Variants in NEDD4 observed in about 807,000 individuals in gnomAD.
NEDD4 encodes the protein NEDD4 E3 ubiquitin protein ligase.
Under a neutral mutation model 144.9 loss-of-function variants are expected in NEDD4, and 99 were observed. The ratio of observed to expected loss-of-function variants is 0.68; its 90% confidence interval spans 0.58 to 0.81. The LOEUF is 0.81. NEDD4 is among the 30% of genes least tolerant of loss of function. NEDD4 has a pLI of 0.00. For missense variants in NEDD4, 985 were observed against 1,065.9 expected (o/e 0.92, Z 1.06); for synonymous variants, 318 against 350.6 (o/e 0.91, Z 1.04).
At chr15:55,836,886 T>C (rs2033229763) in intron 24 of NEDD4, among the ~76,000 whole-genome samples, 1 of 151,088 alleles carries the variant, frequency 6.6e-6, no homozygotes, top group Admixed American at 6.6e-5. Flanking sequence ...CTCGAACTCC[T>C]GGGCTCAAGC....
chr15:55,858,333 G>A (rs2034275253), intron 11 of NEDD4, among the ~76,000 whole-genome samples: 1 of 151,604 alleles, frequency 6.6e-6, no homozygotes, highest in Non-Finnish European at 1.5e-5. Context: ...TTGAGACGGA[G>A]TTTCACTCTG....
intron 12 of NEDD4, among the ~76,000 whole-genome samples, chr15:55,853,801 C>T (rs891013691): frequency 6.6e-6 from 1 of 152,156 alleles, no homozygotes; most frequent in Non-Finnish European, 1.5e-5. Flanking sequence ...CCAGCCTGGC[C>T]AACATGGTGA....
In NEDD4 at chr15:55,948,744, G is replaced by A. The variant is rs536002827; in HGVS notation, c.237+2632C>T. On this transcript the variant is annotated intron_variant, in intron 4 of 28. Transcript: ENST00000435532. ...AATAAATGGTGCTGGGAAAACTGGC[G>A]AGCCATATGTAGAAAGCTGAAACTA... is the stretch of plus-strand genomic sequence containing the variant. Among the ~76,000 whole-genome samples, 27 of 152,108 alleles carry A rather than the reference G, an allele frequency of 1.8e-4. 1 individual carries two copies. The highest frequency in any genetic ancestry group is 1.4e-3 in the Admixed American group (21 of 15,258).
At chr15:55,921,959 C>T (rs1160558246) in intron 5 of NEDD4, among the ~76,000 whole-genome samples, 1 of 152,160 alleles carries the variant, frequency 6.6e-6, no homozygotes, top group African/African-American at 2.4e-5. Flanking sequence ...GGACAACATG[C>T]AAATAACGCA....
At chr15:55,893,899 C>T (rs2035652942) in intron 5 of NEDD4, among the ~76,000 whole-genome samples, 1 of 151,264 alleles carries the variant, frequency 6.6e-6, no homozygotes, top group Admixed American at 6.6e-5. Flanking sequence ...AACAAAATTG[C>T]ATTTGTATAG....
intron 5 of NEDD4, among the ~76,000 whole-genome samples, chr15:55,918,410 A>C (rs1193735173): frequency 6.6e-6 from 1 of 152,146 alleles, no homozygotes; most frequent in Non-Finnish European, 1.5e-5. Flanking sequence ...CCCTCACCTA[A>C]ATTTTATAGC....
intron 5 of NEDD4, among the ~76,000 whole-genome samples, chr15:55,891,806 C>G (rs1330842078): frequency 1.3e-5 from 2 of 152,002 alleles, no homozygotes; most frequent in African/African-American, 4.8e-5. Flanking sequence ...TAAAGATGCT[C>G]TAATTTTAGG....
chr15:55,924,795 T>C, intron 4 of NEDD4, 96 bp from the exon 5 acceptor site: 1 of 1,219,384 alleles, frequency 8.2e-7, no homozygotes, highest in Non-Finnish European at 1.2e-6. Flanking sequence ...TGGTCGGGCA[T>C]GGTGGCTCAT....
rs1468515596 is a variant in NEDD4 at position 55,834,063 on chromosome 15, T to A, written c.2405A>T (p.His802Leu). The A allele has an allele frequency of 5.0e-6, 8 of 1,613,398 alleles. No homozygotes were observed. The highest frequency in any genetic ancestry group is 1.3e-5 in the African/African-American group (1 of 74,924). The change falls in exon 26 of 29, where the codon CAT becomes CTT. Residue 802 changes from histidine to leucine, a missense_variant. Transcript: ENST00000435532. The stretch of plus-strand genomic sequence containing the variant: ...CTTCCAAAACCACTGTATAACCTGA[T>A]GATTTGCACTGTAGCCATTTTTATA... ...TKYKNGYSAN[H>L]QVIQWFWKAV...
chr15:55,854,830 T>C (rs759943605), intron 12 of NEDD4, among the ~76,000 whole-genome samples: 7 of 152,322 alleles, frequency 4.6e-5, no homozygotes, highest in Non-Finnish European at 1.0e-4. Flanking sequence ...GAAACAACTT[T>C]TCTGGTACTA....
At chr15:55,970,033 G>A (rs2037581110) in intron 1 of NEDD4, among the ~76,000 whole-genome samples, 1 of 152,144 alleles carries the variant, frequency 6.6e-6, no homozygotes, top group African/African-American at 2.4e-5. Flanking sequence ...GAAACCCACT[G>A]CCCTAAAGGG....
rs564955500 is a variant in NEDD4, at chr15:55,906,189, C to G, written c.291+18457G>C. On this transcript the variant is annotated intron_variant, in intron 5 of 28. Transcript: ENST00000435532. ...ACACTTTTACACTGTTGGTGGGACTCTAAACTAGTTCAACCATTGTGGAAG... is the reference window on the plus strand; with the variant it reads ...ACACTTTTACACTGTTGGTGGGACTGTAAACTAGTTCAACCATTGTGGAAG... 2.9e-3 allele frequency among the ~76,000 whole-genome samples: 435 copies of G among 152,188 alleles called. 1 individual carries two copies. Among genetic ancestry groups the G allele is most frequent in the Non-Finnish European group, 4.7e-3 (322 of 67,994 alleles).
intron 5 of NEDD4, among the ~76,000 whole-genome samples, chr15:55,877,749 C>T (rs1483835687): frequency 6.6e-6 from 1 of 151,912 alleles, no homozygotes; most frequent in African/African-American, 2.4e-5. Flanking sequence ...AAGAATTTTC[C>T]CCTTCCTCCC....
At chr15:55,975,492 T>C (rs1375794587) in intron 1 of NEDD4, among the ~76,000 whole-genome samples, 1 of 151,832 alleles carries the variant, frequency 6.6e-6, no homozygotes, top group Non-Finnish European at 1.5e-5. Flanking sequence ...CAGTGAACAA[T>C]CTGAAAAAGA....
At chr15:55,861,927 T>C (rs1053089655) in intron 9 of NEDD4, among the ~76,000 whole-genome samples, 2 of 152,172 alleles carry the variant, frequency 1.3e-5, no homozygotes, top group African/African-American at 4.8e-5. Flanking sequence ...TCAGTTTTTT[T>C]CCCCCTAAAT....
chr15:55,983,588 T>C (rs1419134581), intron 1 of NEDD4, among the ~76,000 whole-genome samples: 2 of 151,470 alleles, frequency 1.3e-5, no homozygotes, highest in Non-Finnish European at 2.9e-5. Context: ...CCACACCATA[T>C]AAAATTAATT....
At chr15:55,845,849 G>A (rs561428362) in intron 18 of NEDD4, among the ~76,000 whole-genome samples, 3 of 149,104 alleles carry the variant, frequency 2.0e-5, no homozygotes, top group East Asian at 2.0e-4. Context: ...GCAGTGGCGC[G>A]ATCTTGGCTC....
At chr15:55,989,064 C>G (rs1270235756) in intron 1 of NEDD4, among the ~76,000 whole-genome samples, 1 of 152,038 alleles carries the variant, frequency 6.6e-6, no homozygotes, top group East Asian at 1.9e-4. Flanking sequence ...GGTAAAACCC[C>G]ATCTCTACCA....
At chr15:55,958,207 T>C (rs1420538751) in intron 2 of NEDD4, among the ~76,000 whole-genome samples, 1 of 152,254 alleles carries the variant, frequency 6.6e-6, no homozygotes, top group Non-Finnish European at 1.5e-5. Flanking sequence ...TTGTATTTTA[T>C]GTTAGTTTGC....
Sources: gnomAD v4.1 joint callset for allele counts (sites outside exome capture counted in the v4.1 genomes callset) on GRCh38, gnomAD v4.1.1 for gene constraint, MANE v1.5 for transcripts, NCBI Gene and HGNC (gene_info 2026-07-23, HGNC 2026-07-21) for gene names.